ASH1L: variants seen among roughly 807,000 people sequenced by gnomAD.
The protein encoded by ASH1L is ASH1 like histone lysine methyltransferase, also known as histone-lysine N-methyltransferase ASH1L.
A neutral mutation model predicts 269.0 loss-of-function variants in ASH1L; 23 were observed. The ratio of observed to expected loss-of-function variants is 0.09; its 90% CI spans 0.06 to 0.12. The LOEUF is 0.12. ASH1L is among the 10% of genes least tolerant of loss of function. The pLI, the probability that ASH1L is intolerant of heterozygous loss-of-function variation, is 1.00. For missense variants in ASH1L, 2,912 were observed against 3,567.8 expected (o/e 0.82, Z 4.68); for synonymous variants, 1,187 against 1,253.5 (o/e 0.95, Z 1.12).
chr1:155,368,279 G>A (rs1170222691), intron 12 of ASH1L, among the ~76,000 whole-genome samples: 1 of 152,030 alleles, frequency 6.6e-6, no homozygotes, highest in African/African-American at 2.4e-5. Context: ...TTGCAGGTGT[G>A]AGCCACTGCA....
intron 5 of ASH1L, chr1:155,433,181 T>C: frequency 6.5e-7 from 1 of 1,532,378 alleles, no homozygotes; most frequent in South Asian, 1.2e-5. Flanking sequence ...TCCTTCCCCA[T>C]GGCGGGACAC....
intron 3 of ASH1L, among the ~76,000 whole-genome samples, chr1:155,473,495 T>A (rs1207634358): frequency 2.0e-5 from 3 of 149,536 alleles, no homozygotes; most frequent in Non-Finnish European, 4.5e-5. Flanking sequence ...TATTTCTATT[T>A]TTTTTTTTTT....
intron 6 of ASH1L, among the ~76,000 whole-genome samples, chr1:155,402,323 C>A (rs1215758344): frequency 6.6e-6 from 1 of 152,090 alleles, no homozygotes; most frequent in Non-Finnish European, 1.5e-5. Flanking sequence ...CATAATGTCA[C>A]CTTTCCCTAA....
intron 5 of ASH1L, among the ~76,000 whole-genome samples, chr1:155,437,538 A>G (rs1662201504): frequency 1.3e-5 from 2 of 152,234 alleles, no homozygotes; most frequent in South Asian, 4.1e-4. Context: ...TCTGGAAAAC[A>G]GTATGGCAGT....
At chr1:155,367,442 G>A (rs1655534722) in intron 12 of ASH1L, among the ~76,000 whole-genome samples, 1 of 152,094 alleles carries the variant, frequency 6.6e-6, no homozygotes, top group Non-Finnish European at 1.5e-5. Context: ...GTATAATAAT[G>A]TCATCTGCGA....
intron 2 of ASH1L, among the ~76,000 whole-genome samples, chr1:155,517,172 G>A (rs1368952927): frequency 6.6e-6 from 1 of 152,132 alleles, no homozygotes; most frequent in Admixed American, 6.6e-5. Flanking sequence ...AAAGTTGGAG[G>A]ACTCACACTT....
At chr1:155,530,097 A>G (rs1669557969) in intron 1 of ASH1L, among the ~76,000 whole-genome samples, 2 of 152,142 alleles carry the variant, frequency 1.3e-5, no homozygotes, top group Non-Finnish European at 2.9e-5. Flanking sequence ...AGATAATTGC[A>G]TATCTTGCTC....
rs1419725213 is a variant in ASH1L, at chr1:155,481,648, G to C, written c.1222C>G (p.Leu408Val). ...GLVNKDIGKK[L>V]MSCPLAGLIS... ...AGACCTGCCAAAGGACAACTCATTA[G>C]TTTCTTTCCAATGTCCTTATTAACC... The change falls in exon 3 of 28, where the codon CTA becomes GTA. Residue 408 changes from leucine (L) to valine (V), a missense_variant. Leu to Val is a conservative substitution (Grantham distance 32). Coordinates refer to ENST00000392403, the MANE Select transcript of ASH1L (RefSeq NM_018489.3). 14 of 1,614,000 alleles carry C rather than the reference G, an allele frequency of 8.7e-6. No individual in the cohort carries two copies. The highest frequency in any genetic ancestry group is 1.1e-5 in the Non-Finnish European group (13 of 1,180,028).
chr1:155,425,911 C>T lies in ASH1L; in HGVS notation c.5829-9988G>A, dbSNP rs1215209098. On this transcript the variant is annotated intron_variant, in intron 5 of 27. Transcript: ENST00000392403. ...TTTGTGGTGTTTTTTTTTTTTGAGA[C>T]GGAGTCTCGCTCTGTCACCCAGGCT... Among the ~76,000 whole-genome samples the T allele has an allele frequency of 1.5e-4, 22 of 143,532 alleles. No homozygotes were observed. The East Asian group carries it at 1.7e-3, about 11-fold the overall frequency. 94.2% of individuals were successfully genotyped at this position (143,532 alleles called of 152,430 possible). A position where few individuals can be genotyped will look rare whatever the true frequency, so the allele number is the denominator to read the frequency against.
At chr1:155,490,614 T>TCACACACACACACACACACA (rs144278501) in intron 2 of ASH1L, among the ~76,000 whole-genome samples, 24 of 142,400 alleles carry the variant, frequency 1.7e-4, no homozygotes, top group African/African-American at 5.6e-4. Context: ...CCAGACTACG[T>TCACACACACACACACACACA]CACACACACA....
intron 10 of ASH1L, among the ~76,000 whole-genome samples, chr1:155,377,398 CATATATTG>C (rs1656549894): frequency 6.6e-6 from 1 of 152,042 alleles, no homozygotes. Context: ...TTGTGGCAAC[CATATATTG>C]AGAGCTAGGA....
chr1:155,465,513 T>A (rs1021890959), intron 3 of ASH1L, among the ~76,000 whole-genome samples: 1 of 152,134 alleles, frequency 6.6e-6, no homozygotes, highest in African/African-American at 2.4e-5. Flanking sequence ...TTGGGTGAAT[T>A]ACAGAAAAAT....
rs1363976761 is a variant in ASH1L at position 155,348,945 on chromosome 1, C to CAT, written c.7554+380_7554+381dup. On this transcript the variant is annotated intron_variant, in intron 19 of 27. Transcript: ENST00000392403. ...ACACACACACACACACACACACACA[C>CAT]ATATAAACATTTACCTATGCATATT... is the stretch of plus-strand genomic sequence containing the variant. Among the ~76,000 whole-genome samples the CAT allele has an allele frequency of 2.2e-4, 32 of 147,176 alleles. No individual in the cohort carries two copies. The Middle Eastern group carries it at 0.014, about 63-fold the overall frequency.
At position 155,335,688 on chromosome 1, in the gene ASH1L, G is replaced by C. The variant is rs1378125864; in HGVS notation, c.*1972C>G. 1.3e-5 allele frequency: 2 copies of C among 152,274 alleles called. No homozygotes were observed. 9.4% of individuals were successfully genotyped at this position (152,274 alleles called of 1,614,324 possible). On this transcript the variant is annotated 3_prime_UTR_variant, in exon 28 of 28. Coordinates refer to ENST00000392403, the MANE Select transcript of ASH1L (RefSeq NM_018489.3). Reference sequence around the variant, plus strand: ...TAAAAAACATTTCAGTTTTTTTTTAGTCTTTCAACAAAAGAAAGATAAAAT... The same window carrying C: ...TAAAAAACATTTCAGTTTTTTTTTACTCTTTCAACAAAAGAAAGATAAAAT...
chr1:155,500,366 C>T lies in ASH1L; in HGVS notation c.421-17917G>A, dbSNP rs117421991. Among the ~76,000 whole-genome samples the T allele has an allele frequency of 1.1e-3, 173 of 152,258 alleles. 5 individuals carry two copies. The East Asian group carries it at 0.031, about 27-fold the overall frequency. ...TGTTCTCTTCTCTACCATAAAAATACCTCTAGCTTAAGCAGCTTTTAAAGT... is the reference window on the plus strand; with the variant it reads ...TGTTCTCTTCTCTACCATAAAAATATCTCTAGCTTAAGCAGCTTTTAAAGT... On this transcript the variant is annotated intron_variant, in intron 2 of 27. Transcript: ENST00000392403.
intron 1 of ASH1L, among the ~76,000 whole-genome samples, chr1:155,522,658 A>T (rs1668967617): frequency 6.6e-6 from 1 of 151,730 alleles, no homozygotes; most frequent in African/African-American, 2.4e-5. Flanking sequence ...AAACCAGATT[A>T]CCATATAATC....
At chr1:155,443,549 T>G (rs1379965291) in intron 4 of ASH1L, among the ~76,000 whole-genome samples, 2 of 152,228 alleles carry the variant, frequency 1.3e-5, no homozygotes, top group Non-Finnish European at 2.9e-5. Flanking sequence ...ATAGAACATT[T>G]CTGTCACCCT....
Position 155,481,648 on chromosome 1 carries a change from G to A in ASH1L, c.1222C>T (p.Leu408=), listed in dbSNP as rs1419725213. Residue 408 remains leucine (L), a synonymous_variant, in exon 3 of 28, where the codon CTA becomes TTA. Transcript: ENST00000392403. ...GLVNKDIGKK[L]MSCPLAGLIS... is the part of the protein sequence containing the mutation. ...AGACCTGCCAAAGGACAACTCATTA[G>A]TTTCTTTCCAATGTCCTTATTAACC... is the stretch of plus-strand genomic sequence containing the variant. The A allele has an allele frequency of 1.2e-6, 2 of 1,614,118 alleles. No homozygotes were observed. Among genetic ancestry groups the A allele is most frequent in the Non-Finnish European group, 1.7e-6 (2 of 1,180,020 alleles).
chr1:155,531,164 A>G (rs1669646033), intron 1 of ASH1L, among the ~76,000 whole-genome samples: 1 of 152,054 alleles, frequency 6.6e-6, no homozygotes, highest in African/African-American at 2.4e-5. Flanking sequence ...ATCTCAAAAA[A>G]CAGATGTAAC....
Sources: gnomAD v4.1 joint callset for allele counts (sites outside exome capture counted in the v4.1 genomes callset) on GRCh38, gnomAD v4.1.1 for gene constraint, MANE v1.5 for transcripts, NCBI Gene and HGNC (gene_info 2026-07-23, HGNC 2026-07-21) for gene names.